ELP4: variants seen among roughly 807,000 people sequenced by gnomAD.
ELP4 encodes the protein elongator complex protein 4.
Under a neutral mutation model 48.9 loss-of-function variants are expected in ELP4, and 51 were observed. The ratio of observed to expected loss-of-function variants is 1.04; its 90% confidence interval spans 0.83 to 1.32. The LOEUF is 1.32. ELP4 is among the 40% of genes most tolerant of loss of function. The probability of loss-of-function intolerance (pLI) is 0.00; values close to 1 mark genes in which losing one functional copy is unlikely to be tolerated. For synonymous variants in ELP4, 210 were observed against 189.2 expected (o/e 1.11, Z -0.90); for missense variants, 519 against 514.6 (o/e 1.01, Z -0.08).
intron 9 of ELP4, among the ~76,000 whole-genome samples, chr11:31,660,264 C>T (rs1945527097): frequency 6.6e-6 from 1 of 151,978 alleles, no homozygotes; most frequent in African/African-American, 2.4e-5. Context: ...GAAATATTTT[C>T]CCAGCTTGTA....
At chr11:31,771,740 G>A (rs992328639) in intron 9 of ELP4, among the ~76,000 whole-genome samples, 4 of 152,202 alleles carry the variant, frequency 2.6e-5, no homozygotes, top group African/African-American at 9.7e-5. Flanking sequence ...AGCACTTTGG[G>A]AGGCCAAGGC....
At chr11:31,708,933 A>G (rs1244088175) in intron 9 of ELP4, among the ~76,000 whole-genome samples, 1 of 151,964 alleles carries the variant, frequency 6.6e-6, no homozygotes, top group Non-Finnish European at 1.5e-5. Flanking sequence ...TAATTCCCCA[A>G]TTTTTCTTTT....
chr11:31,534,172 CATT>C (rs1363564593), intron 2 of ELP4, among the ~76,000 whole-genome samples: 1 of 152,004 alleles, frequency 6.6e-6, no homozygotes, highest in African/African-American at 2.4e-5. Flanking sequence ...CGTGGAATGA[CATT>C]AGCATGGAGG....
chr11:31,574,230 G>C (rs982169410), intron 3 of ELP4, among the ~76,000 whole-genome samples: 2 of 152,210 alleles, frequency 1.3e-5, no homozygotes, highest in South Asian at 2.1e-4. Flanking sequence ...CAGCAGCGAG[G>C]CTGGGGGAGG....
At chr11:31,518,980 T>A (rs946376406) in intron 1 of ELP4, among the ~76,000 whole-genome samples, 4 of 151,818 alleles carry the variant, frequency 2.6e-5, no homozygotes, top group African/African-American at 9.7e-5. Context: ...TGCAGATTAT[T>A]TTTTTTGTAT....
chr11:31,518,334 G>T (rs1314293762), intron 1 of ELP4, among the ~76,000 whole-genome samples: 1 of 151,720 alleles, frequency 6.6e-6, no homozygotes, highest in Non-Finnish European at 1.5e-5. Flanking sequence ...TCGAACTCCT[G>T]ACTTCAGGTG....
intron 9 of ELP4, among the ~76,000 whole-genome samples, chr11:31,728,865 A>T (rs1005569565): frequency 5.3e-5 from 8 of 152,244 alleles, no homozygotes; most frequent in South Asian, 2.1e-4. Flanking sequence ...AACCAAAATT[A>T]AAGTTAAGTT....
chr11:31,637,585 T>C (rs1945007934), intron 7 of ELP4, among the ~76,000 whole-genome samples: 1 of 152,032 alleles, frequency 6.6e-6, no homozygotes, highest in Non-Finnish European at 1.5e-5. Flanking sequence ...GAAATGTTTT[T>C]GTACCCTTTG....
At chr11:31,727,880 T>A (rs1035842628) in intron 9 of ELP4, 3 of 152,148 alleles carry the variant, frequency 2.0e-5, no homozygotes, top group Admixed American at 2.0e-4. Flanking sequence ...TCAGAATAGA[T>A]ACTCTAAGTG....
intron 9 of ELP4, among the ~76,000 whole-genome samples, chr11:31,761,586 A>G (rs946667764): frequency 2.6e-5 from 4 of 152,214 alleles, no homozygotes; most frequent in Admixed American, 6.5e-5. Context: ...ACCTTCTAAT[A>G]GCATGGGCAA....
At chr11:31,521,853 C>G (rs1956218856) in intron 2 of ELP4, among the ~76,000 whole-genome samples, 1 of 152,132 alleles carries the variant, frequency 6.6e-6, no homozygotes, top group Non-Finnish European at 1.5e-5. Context: ...TATTAGTTTA[C>G]TTAAATTATG....
intron 5 of ELP4, among the ~76,000 whole-genome samples, chr11:31,626,357 A>G (rs868689685): frequency 2.4e-4 from 36 of 151,868 alleles, no homozygotes; most frequent in African/African-American, 8.7e-4. Flanking sequence ...TCATGACATT[A>G]TCATGACATT....
intron 4 of ELP4, among the ~76,000 whole-genome samples, chr11:31,600,730 T>A (rs2133998321): frequency 6.6e-6 from 1 of 152,272 alleles, no homozygotes; most frequent in Middle Eastern, 3.4e-3. Context: ...AGGATCAAAG[T>A]GTTTTAAAAA....
At chr11:31,722,513 G>A (rs1156292877) in intron 9 of ELP4, among the ~76,000 whole-genome samples, 6 of 152,170 alleles carry the variant, frequency 3.9e-5, no homozygotes, top group Admixed American at 3.9e-4. Flanking sequence ...AAACCCTTCT[G>A]TGGAAGAAAG....
In ELP4 at chr11:31,784,403, TG is replaced by T. The variant is rs1265604687; in HGVS notation, c.*880del. On this transcript the variant is annotated 3_prime_UTR_variant, in exon 10 of 10. Coordinates refer to ENST00000640961, the MANE Select transcript of ELP4 (RefSeq NM_019040.5). ...GTGTAAATTTCTAACCATGTAAACA[TG>T]TCTTTGGGGGGTATAGCATATCGAA... 2.6e-5 allele frequency: 4 copies of T among 152,162 alleles called. No individual in the cohort carries two copies. Among genetic ancestry groups the T allele is most frequent in the Non-Finnish European group, 5.9e-5 (4 of 67,972 alleles). 9.4% of individuals were successfully genotyped at this position (152,162 alleles called of 1,614,324 possible).
intron 9 of ELP4, among the ~76,000 whole-genome samples, chr11:31,760,483 G>A (rs921792189): frequency 1.3e-5 from 2 of 152,050 alleles, no homozygotes; most frequent in Non-Finnish European, 2.9e-5. Flanking sequence ...TTTTCCTTAA[G>A]TAGAAATATG....
chr11:31,565,799 A>C (rs575331201), intron 3 of ELP4, among the ~76,000 whole-genome samples: 6 of 152,260 alleles, frequency 3.9e-5, no homozygotes, highest in African/African-American at 1.4e-4. Flanking sequence ...GTTTGAAGTC[A>C]GGTAGCATGA....
At chr11:31,530,487 T>C (rs1956377247) in intron 2 of ELP4, among the ~76,000 whole-genome samples, 1 of 151,888 alleles carries the variant, frequency 6.6e-6, no homozygotes, top group African/African-American at 2.4e-5. Flanking sequence ...TCAATGGTAA[T>C]AGTTCCCATA....
chr11:31,616,077 T>A (rs1380013704), intron 5 of ELP4, among the ~76,000 whole-genome samples: 2 of 152,106 alleles, frequency 1.3e-5, no homozygotes, highest in Non-Finnish European at 2.9e-5. Flanking sequence ...TTTAGTTTAC[T>A]TAAAGTTACA....
Sources: allele counts gnomAD v4.1 joint callset (sites outside exome capture counted in the v4.1 genomes callset), GRCh38; gene constraint gnomAD v4.1.1; transcripts MANE v1.5; gene names NCBI Gene and HGNC (gene_info 2026-07-23, HGNC 2026-07-21).